Variants in PTPRN2 observed in about 807,000 individuals in gnomAD.
The protein encoded by PTPRN2 is receptor-type tyrosine-protein phosphatase N2.
Under a neutral mutation model 118.8 loss-of-function variants are expected in PTPRN2, and 74 were observed. That is an observed-to-expected ratio of 0.62 (90% CI 0.52 to 0.76). The LOEUF (loss-of-function observed/expected upper bound fraction) is 0.76. PTPRN2 is among the 30% of genes least tolerant of loss of function. The pLI is 0.00. For synonymous variants in PTPRN2, 641 were observed against 608.0 expected, an observed-to-expected ratio of 1.05 and a Z score of -0.80; for missense variants, 1,481 against 1,394.4, an observed-to-expected ratio of 1.06 and a Z score of -0.99.
chr7:157,649,581 GGGTC>G lies in PTPRN2; in HGVS notation c.2196+6772_2196+6775del, dbSNP rs1177974483. On this transcript the variant is annotated intron_variant, in intron 14 of 22. Coordinates refer to ENST00000389418, the MANE Select transcript of PTPRN2 (RefSeq NM_002847.5). Reference sequence around the variant, plus strand: ...CCATCCAGCGTGCACTGAACTCGGTGGGTCGGACCCATTCACTGTGCACTGAACT... The same window carrying G: ...CCATCCAGCGTGCACTGAACTCGGTGGGACCCATTCACTGTGCACTGAACT... Among the ~76,000 whole-genome samples, 589 of 105,282 alleles carry G rather than the reference GGGTC, an allele frequency of 5.6e-3. 63 individuals are homozygous for G. Among genetic ancestry groups the G allele is most frequent in the East Asian group, 0.019 (53 of 2,776 alleles). 69.1% of individuals were successfully genotyped at this position (105,282 alleles called of 152,430 possible). A position where few individuals can be genotyped will look rare whatever the true frequency, so the allele number is the denominator to read the frequency against.
chr7:157,762,415 T>C (rs1324678594), intron 12 of PTPRN2, among the ~76,000 whole-genome samples: 6 of 151,362 alleles, frequency 4.0e-5, no homozygotes, highest in Admixed American at 1.3e-4. Context: ...TATGCAGCCA[T>C]AAAAAATGAT....
At chr7:157,686,678 C>T (rs1181073116) in intron 12 of PTPRN2, among the ~76,000 whole-genome samples, 1 of 152,190 alleles carries the variant, frequency 6.6e-6, no homozygotes, top group African/African-American at 2.4e-5. Flanking sequence ...ATGACTTTGA[C>T]ATTTACAGTC....
intron 12 of PTPRN2, among the ~76,000 whole-genome samples, chr7:157,887,809 C>A: frequency 1.6e-5 from 2 of 121,430 alleles, no homozygotes; most frequent in Admixed American, 1.6e-4. Flanking sequence ...GTACCCACTC[C>A]CCCAGTACCC....
chr7:158,111,071 C>T (rs1816219819), intron 9 of PTPRN2, among the ~76,000 whole-genome samples, 156 bp from the exon 10 acceptor site: 2 of 152,180 alleles, frequency 1.3e-5, no homozygotes, highest in South Asian at 4.1e-4. Context: ...AAGGAGTCAC[C>T]TGAGTTTCCA....
intron 9 of PTPRN2, among the ~76,000 whole-genome samples, chr7:158,117,928 C>T (rs10242289): frequency 0.66 from 100,919 of 152,020 alleles, 34,253 homozygotes; most frequent in African/African-American, 0.8. Context: ...TTCCAAGGAG[C>T]CCTGCAGGAT....
chr7:158,035,669 T>TAA (rs1808046725), intron 11 of PTPRN2, among the ~76,000 whole-genome samples: 1 of 152,188 alleles, frequency 6.6e-6, no homozygotes, highest in African/African-American at 2.4e-5. Flanking sequence ...CACAAATGCC[T>TAA]CTCATTAGAA....
At chr7:158,070,953 G>A (rs1256186263) in intron 11 of PTPRN2, among the ~76,000 whole-genome samples, 1 of 130,486 alleles carries the variant, frequency 7.7e-6, no homozygotes, top group Non-Finnish European at 1.6e-5. Flanking sequence ...GGTGCCCGTG[G>A]TGGTGGAGGT....
In PTPRN2 at chr7:157,881,131, G is replaced by A. The variant is rs1796088822; in HGVS notation, c.1788+17542C>T. Among the ~76,000 whole-genome samples, 1 of 151,824 alleles carries A rather than the reference G, an allele frequency of 6.6e-6. No homozygotes were observed. Among genetic ancestry groups the A allele is most frequent in the Non-Finnish European group, 1.5e-5 (1 of 67,986 alleles). On this transcript the variant is annotated intron_variant, in intron 12 of 22. Coordinates refer to ENST00000389418, the MANE Select transcript of PTPRN2 (RefSeq NM_002847.5). This position sits in a 1 kb window ranked among gnomAD's most constrained non-coding sequence, Gnocchi z 4.7. The stretch of plus-strand genomic sequence containing the variant: ...ACAGTAGTCATTATGATAAAATGAA[G>A]TCATGAGGGTATGTGGAGATGGAGG...
intron 2 of PTPRN2, among the ~76,000 whole-genome samples, chr7:158,482,327 A>G (rs1174844877): frequency 6.6e-6 from 1 of 152,244 alleles, no homozygotes; most frequent in Non-Finnish European, 1.5e-5. Flanking sequence ...GCGTTCTGCA[A>G]AGAAATCTTT....
intron 12 of PTPRN2, among the ~76,000 whole-genome samples, chr7:157,814,686 G>A (rs1262736099): frequency 3.9e-5 from 6 of 152,218 alleles, no homozygotes; most frequent in African/African-American, 7.2e-5. Flanking sequence ...GGCGAGAAGC[G>A]GGGAGATCCC....
rs879018592 is a variant in PTPRN2, at chr7:158,440,662, G to GTGA, written c.163+49070_163+49072dup. On this transcript the variant is annotated intron_variant, in intron 2 of 22. Transcript: ENST00000389418. Reference sequence around the variant, plus strand: ...GATGGTGGCAGTAGTGATGGTGGTAGTGATAGTGACAGGGTGGTGGTGGTG... The same window carrying GTGA: ...GATGGTGGCAGTAGTGATGGTGGTAGTGATGATAGTGACAGGGTGGTGGTGGTG... 7.7e-3 allele frequency among the ~76,000 whole-genome samples: 829 copies of GTGA among 107,146 alleles called. 23 individuals are homozygous for GTGA. Among genetic ancestry groups the GTGA allele is most frequent in the African/African-American group, 0.028 (758 of 26,962 alleles). 70.3% of individuals were successfully genotyped at this position (107,146 alleles called of 152,430 possible).
At chr7:158,186,811 C>T (rs1415618087) in intron 5 of PTPRN2, among the ~76,000 whole-genome samples, 1 of 152,238 alleles carries the variant, frequency 6.6e-6, no homozygotes, top group Non-Finnish European at 1.5e-5. Flanking sequence ...TTGTTTTCTC[C>T]CTCCTACCCA....
chr7:158,333,882 CACCAT>C (rs1805024386), intron 2 of PTPRN2, among the ~76,000 whole-genome samples: 1 of 147,740 alleles, frequency 6.8e-6, no homozygotes, highest in Non-Finnish European at 1.5e-5. Context: ...CCCACACTCT[CACCAT>C]AAGAGCTGAC....
chr7:158,293,378 C>A (rs1040736938), intron 3 of PTPRN2, among the ~76,000 whole-genome samples: 1 of 151,800 alleles, frequency 6.6e-6, no homozygotes, highest in Non-Finnish European at 1.5e-5. Context: ...GAATTCAAGA[C>A]CAGCCTGGCC....
intron 2 of PTPRN2, among the ~76,000 whole-genome samples, chr7:158,460,651 G>A (rs1250856590): frequency 6.6e-6 from 1 of 152,242 alleles, no homozygotes; most frequent in Non-Finnish European, 1.5e-5. Context: ...GTCCGGAAAT[G>A]AAAACTCACA....
intron 12 of PTPRN2, among the ~76,000 whole-genome samples, chr7:157,751,976 C>T (rs1396517909): frequency 2.0e-5 from 3 of 151,380 alleles, no homozygotes; most frequent in Non-Finnish European, 4.4e-5. Context: ...TTGCCCTGGA[C>T]AGCCCGGCCT....
chr7:157,917,229 C>T (rs1351807320), intron 11 of PTPRN2, among the ~76,000 whole-genome samples: 1 of 152,272 alleles, frequency 6.6e-6, no homozygotes, highest in Admixed American at 6.5e-5. Flanking sequence ...CTGTTGCAAA[C>T]CGCTCTCTCT....
intron 2 of PTPRN2, among the ~76,000 whole-genome samples, chr7:158,317,360 C>G (rs1363504167): frequency 1.3e-5 from 2 of 152,260 alleles, no homozygotes; most frequent in Admixed American, 1.3e-4. Flanking sequence ...GCAGGAGCTA[C>G]AAGGATCGGC....
intron 11 of PTPRN2, among the ~76,000 whole-genome samples, chr7:157,956,845 A>G (rs1801212202): frequency 6.6e-6 from 1 of 152,244 alleles, no homozygotes; most frequent in Non-Finnish European, 1.5e-5. Context: ...TGTGTGACTA[A>G]TTCATGTTTG....
Sources: allele counts gnomAD v4.1 joint callset (sites outside exome capture counted in the v4.1 genomes callset), GRCh38; gene constraint gnomAD v4.1.1; non-coding constraint Gnocchi (gnomAD v3.1); transcripts MANE v1.5; gene names NCBI Gene and HGNC (gene_info 2026-07-23, HGNC 2026-07-21).